FANCM: variants seen among roughly 807,000 people sequenced by gnomAD.
The protein encoded by FANCM is Fanconi anemia group M protein.
In FANCM, 140 loss-of-function variants were observed where a neutral mutation model predicts 199.5. That is an observed-to-expected ratio of 0.70 (90% CI 0.61 to 0.81). The LOEUF (loss-of-function observed/expected upper bound fraction) is 0.81. FANCM is among the 30% of genes least tolerant of loss of function. The pLI, the probability that FANCM is intolerant of heterozygous loss-of-function variation, is 0.00. For synonymous variants in FANCM, 840 were observed against 836.8 expected (o/e 1.00, Z -0.07); for missense variants, 2,410 against 2,421.4 (o/e 1.00, Z 0.10).
chr14:45,170,779 C>A, intron 12 of FANCM, 33 bp downstream of exon 12: 3 of 1,578,938 alleles, frequency 1.9e-6, no homozygotes, highest in South Asian at 1.1e-5. Context: ...TGTTCTTTTC[C>A]CCCCCCTCAT....
Position 45,176,687 on chromosome 14 carries a change from A to G in FANCM, c.3933A>G (p.Pro1311=). 6.2e-7 allele frequency: 1 copy of G among 1,613,796 alleles called. No homozygotes were observed. The highest frequency in any genetic ancestry group is 8.5e-7 in the Non-Finnish European group (1 of 1,179,834). Residue 1311 remains proline, a synonymous_variant, in exon 14 of 23, where the codon CCA becomes CCG. Transcript: ENST00000267430. ...AGAATCCAAATTATGTACATTTGCCACTGAGTGCAGCAAAAAATGAAGAAT... is the reference window on the plus strand; with the variant it reads ...AGAATCCAAATTATGTACATTTGCCGCTGAGTGCAGCAAAAAATGAAGAAT... ...DMQNPNYVHL[P]LSAAKNEELL...
chr14:45,188,253 T>G (rs1257000482), intron 19 of FANCM, among the ~76,000 whole-genome samples: 1 of 152,110 alleles, frequency 6.6e-6, no homozygotes, highest in Non-Finnish European at 1.5e-5. Context: ...GCAGGAGAAT[T>G]GCTTGAACCC....
chr14:45,170,464 T>C (rs1394720131), intron 11 of FANCM, 125 bp from the exon 12 acceptor site: 7 of 650,052 alleles, frequency 1.1e-5, no homozygotes, highest in Non-Finnish European at 1.9e-5. Flanking sequence ...AGTTTGAGGT[T>C]ACAGTGAGTT....
At chr14:45,157,034 G>A (rs1007372904) in intron 8 of FANCM, among the ~76,000 whole-genome samples, 6 of 151,108 alleles carry the variant, frequency 4.0e-5, no homozygotes, top group African/African-American at 1.5e-4. Flanking sequence ...ATAGAGATAA[G>A]TATGTGAGGT....
At chr14:45,172,839 T>A (rs1328005697) in intron 12 of FANCM, among the ~76,000 whole-genome samples, 1 of 152,186 alleles carries the variant, frequency 6.6e-6, no homozygotes, top group Non-Finnish European at 1.5e-5. Context: ...TGTCAACTTG[T>A]AAGTCATATA....
rs759068569 is a variant in FANCM at position 45,189,088 on chromosome 14, C to T, written c.5066C>T (p.Ala1689Val). The part of the protein sequence containing the change: ...NVNDKRESNI[A>V]VNPSTVKKNK... The stretch of plus-strand genomic sequence containing the variant: ...AATGATAAAAGAGAATCTAATATTG[C>T]GGTTAACCCAAGCACTGTTAAGAAG... Residue 1689 changes from alanine (A) to valine (V), a missense_variant, in exon 20 of 23, where the codon GCG becomes GTG. By Grantham distance (64) the Ala-to-Val change is moderately conservative (BLOSUM62 0). Coordinates refer to ENST00000267430, the MANE Select transcript of FANCM (RefSeq NM_020937.4). 8.7e-6 allele frequency: 14 copies of T among 1,613,922 alleles called. No homozygotes were observed. Among genetic ancestry groups the T allele is most frequent in the South Asian group, 2.2e-5 (2 of 91,082 alleles).
At chr14:45,185,977 C>A (rs532848670) in intron 18 of FANCM, among the ~76,000 whole-genome samples, 1 of 152,274 alleles carries the variant, frequency 6.6e-6, no homozygotes, top group East Asian at 1.9e-4. Flanking sequence ...TAGTTCACTG[C>A]AGCCTTGAAC....
At position 45,200,096 on chromosome 14, in the gene FANCM, ATAAG is replaced by A; in HGVS notation, c.*89_*92del. ...ATTGCTGTTTTATGTTTATTTGTAA[ATAAG>A]AGAATATTTTATTTAAATATTTTAT... On this transcript the variant is annotated 3_prime_UTR_variant, in exon 23 of 23. Transcript: ENST00000267430. 4.5e-6 allele frequency: 3 copies of A among 665,144 alleles called. No homozygotes were observed. The highest frequency in any genetic ancestry group is 7.0e-6 in the Non-Finnish European group (3 of 425,682). The allele number at this position is 665,144 out of a possible 1,614,324, so 41.2% of individuals were successfully genotyped here. A position where few individuals can be genotyped will look rare whatever the true frequency, so the allele number is the denominator to read the frequency against.
At position 45,164,225 on chromosome 14, in the gene FANCM, A is replaced by G. The variant is rs146725921; in HGVS notation, c.1582-134A>G. The G allele has an allele frequency of 9.1e-4, 675 of 744,728 alleles. 4 individuals carry two copies. In the African/African-American group the frequency reaches 0.01, roughly 11 times the overall value. 46.1% of individuals were successfully genotyped at this position (744,728 alleles called of 1,614,324 possible). ...CTCCCAAAGTGTTGACATTACAGGC[A>G]TGAGCTGTGGCCAGCCTTGAGGCTG... On this transcript the variant is annotated intron_variant, in intron 9 of 22. Transcript: ENST00000267430.
intron 20 of FANCM, among the ~76,000 whole-genome samples, chr14:45,195,756 T>G (rs898919727): frequency 1.2e-4 from 18 of 152,226 alleles, no homozygotes; most frequent in Non-Finnish European, 1.5e-5. Context: ...GGAGATACTT[T>G]CTGGTTATCT....
chr14:45,160,562 TG>T (rs1308804051), intron 9 of FANCM, among the ~76,000 whole-genome samples: 1 of 151,464 alleles, frequency 6.6e-6, no homozygotes, highest in Non-Finnish European at 1.5e-5. Context: ...TTCTTTTTTT[TG>T]AGACGGAGTC....
At chr14:45,198,132 G>T (rs1291920772) in intron 21 of FANCM, among the ~76,000 whole-genome samples, 2 of 152,058 alleles carry the variant, frequency 1.3e-5, no homozygotes, top group Admixed American at 6.5e-5. Context: ...CATGGCAAAG[G>T]TTATAGAAAA....
chr14:45,167,094 G>C lies in FANCM; in HGVS notation c.1933G>C (p.Gly645Arg). Residue 645 changes from glycine (G) to arginine (R), a missense_variant, in exon 11 of 23, where the codon GGT becomes CGT. By Grantham distance (125) the Gly-to-Arg change is moderately radical. Transcript: ENST00000267430. ...ATTACACAAAATGTTCATCACACAT[G>C]GTGTCTATGAACCAGAGAAGCCTTC... is the stretch of plus-strand genomic sequence containing the variant. ...PKLHKMFITHGVYEPEKPSRN... is the reference protein window; with the variant it reads ...PKLHKMFITHRVYEPEKPSRN... 9 of 1,613,188 alleles carry C rather than the reference G, an allele frequency of 5.6e-6. No individual in the cohort carries two copies. The highest frequency in any genetic ancestry group is 7.6e-6 in the Non-Finnish European group (9 of 1,179,226).
In FANCM at chr14:45,175,785, A is replaced by T; in HGVS notation, c.3031A>T (p.Ile1011Phe). Reference sequence around the variant, plus strand: ...TGGACTCTCAGACTTGGAATATGAAATTGCTAAGGGTACTGCACTTGAGAA... The same window carrying T: ...TGGACTCTCAGACTTGGAATATGAATTTGCTAAGGGTACTGCACTTGAGAA... The part of the protein sequence containing the change: ...LSGLSDLEYE[I>F]AKGTALENLL... The change falls in exon 14 of 23, where the codon ATT becomes TTT. Residue 1011 changes from isoleucine (I) to phenylalanine (F), a missense_variant. Transcript: ENST00000267430. 1.2e-6 allele frequency: 2 copies of T among 1,613,798 alleles called. No individual in the cohort carries two copies. The highest frequency in any genetic ancestry group is 1.7e-6 in the Non-Finnish European group (2 of 1,179,922).
chr14:45,139,044 T>G (rs1594753830), intron 2 of FANCM, among the ~76,000 whole-genome samples: 2 of 152,348 alleles, frequency 1.3e-5, no homozygotes, highest in South Asian at 4.1e-4. Flanking sequence ...ATTTTGGCTA[T>G]CATACAAAAC....
At chr14:45,157,935 G>T (rs1363568240) in intron 8 of FANCM, among the ~76,000 whole-genome samples, 3 of 152,150 alleles carry the variant, frequency 2.0e-5, no homozygotes, top group Non-Finnish European at 4.4e-5. Flanking sequence ...CGTGGCTCAT[G>T]CCTGTAATCC....
Position 45,135,951 on chromosome 14 carries a change from A to C in FANCM, c.-81A>C, listed in dbSNP as rs1885449619. ...CGTTCCAGAGTTTTGTGCGAAGGAA[A>C]CCGATGGGGATCGGAACCGTAGCGG... On this transcript the variant is annotated 5_prime_UTR_variant, in exon 1 of 23. Coordinates refer to ENST00000267430, the MANE Select transcript of FANCM (RefSeq NM_020937.4). The C allele has an allele frequency of 1.0e-5, 15 of 1,494,228 alleles. No homozygotes were observed. The highest frequency in any genetic ancestry group is 1.4e-5 in the Non-Finnish European group (15 of 1,076,490). 92.6% of individuals were successfully genotyped at this position (1,494,228 alleles called of 1,614,324 possible).
At chr14:45,137,778 A>G (rs1885628143) in intron 2 of FANCM, 2 of 160,138 alleles carry the variant, frequency 1.2e-5, no homozygotes, top group Admixed American at 1.2e-4. Context: ...CTCTTCTCCT[A>G]AGGGGGATTT....
intron 12 of FANCM, among the ~76,000 whole-genome samples, chr14:45,172,666 T>C: frequency 6.6e-6 from 1 of 152,322 alleles, no homozygotes; most frequent in Non-Finnish European, 1.5e-5. Flanking sequence ...TATTGTTTAT[T>C]TTGTTTATTA....
Sources: gnomAD v4.1 joint callset for allele counts (sites outside exome capture counted in the v4.1 genomes callset) on GRCh38, gnomAD v4.1.1 for gene constraint, MANE v1.5 for transcripts, NCBI Gene and HGNC (gene_info 2026-07-23, HGNC 2026-07-21) for gene names.